The following KIF6 variants were observed in gnomAD, a reference collection of about 807,000 sequenced individuals.
The protein encoded by KIF6 is kinesin family member 6.
In KIF6, 106 loss-of-function variants were observed where a neutral mutation model predicts 112.7. The observed-to-expected ratio is 0.94, with a 90% CI of 0.80 to 1.11. KIF6 has a LOEUF of 1.11. KIF6 is among the 50% of genes least tolerant of loss of function. The pLI, the probability that KIF6 is intolerant of heterozygous loss-of-function variation, is 0.00. For synonymous variants in KIF6, 339 were observed against 339.9 expected (o/e 1.00, Z 0.03); for missense variants, 929 against 964.0 (o/e 0.96, Z 0.48).
Position 39,715,483 on chromosome 6 carries a change from C to A in KIF6, c.177-717G>T, listed in dbSNP as rs530987077. ...TGGATTGCAAGCACAGTGGAACACT[C>A]GGGGTAGAAGACACAGAATCTATTT... On this transcript the variant is annotated intron_variant, in intron 2 of 22. Coordinates refer to ENST00000287152, the MANE Select transcript of KIF6 (RefSeq NM_145027.6). Among the ~76,000 whole-genome samples the A allele has an allele frequency of 1.4e-5, 2 of 147,594 alleles. 1 individual carries two copies. The highest frequency in any genetic ancestry group is 4.3e-4 in the South Asian group (2 of 4,624).
intron 10 of KIF6, among the ~76,000 whole-genome samples, chr6:39,573,929 A>C (rs927961483): frequency 6.6e-6 from 1 of 152,230 alleles, no homozygotes; most frequent in Admixed American, 6.5e-5. Context: ...TGAATGTTAG[A>C]TAAATAATGA....
chr6:39,679,777 G>A (rs1463682867), intron 3 of KIF6, among the ~76,000 whole-genome samples: 3 of 151,406 alleles, frequency 2.0e-5, no homozygotes, highest in Non-Finnish European at 4.4e-5. Flanking sequence ...CACCATGCCC[G>A]GCTAATTTTT....
In KIF6 at chr6:39,501,758, A is replaced by C. The variant is rs116060613; in HGVS notation, c.1645+38245T>G. On this transcript the variant is annotated intron_variant, in intron 13 of 22. Coordinates refer to ENST00000287152, the MANE Select transcript of KIF6 (RefSeq NM_145027.6). ...GAGCTGGAAGACTAGCTTCTGGATT[A>C]AGACAGGCAGACAAGAATGGAGAAA... is the stretch of plus-strand genomic sequence containing the variant. Among the ~76,000 whole-genome samples, 749 of 152,360 alleles carry C rather than the reference A, an allele frequency of 4.9e-3. 4 individuals carry two copies. The highest frequency in any genetic ancestry group is 0.017 in the African/African-American group (703 of 41,574).
At chr6:39,548,137 C>A (rs1264729504) in intron 10 of KIF6, among the ~76,000 whole-genome samples, 3 of 152,170 alleles carry the variant, frequency 2.0e-5, no homozygotes. Context: ...ATTCTTTCTT[C>A]TTGCTTTTTC....
At chr6:39,457,553 A>T (rs1205890984) in intron 13 of KIF6, among the ~76,000 whole-genome samples, 1 of 151,864 alleles carries the variant, frequency 6.6e-6, no homozygotes, top group African/African-American at 2.4e-5. Context: ...AGACACAAAA[A>T]ACCCTTCAAA....
chr6:39,336,451 G>A lies in KIF6; in HGVS notation c.*81C>T. On this transcript the variant is annotated 3_prime_UTR_variant, in exon 23 of 23. Coordinates refer to ENST00000287152, the MANE Select transcript of KIF6 (RefSeq NM_145027.6). ...CAGCAGCCCATAGTTCACTTCTGAA[G>A]CCAGAGCAAGTGAGGGGCGCTGCCT... is the stretch of plus-strand genomic sequence containing the variant. 7.3e-7 allele frequency: 1 copy of A among 1,371,938 alleles called. No homozygotes were observed. The highest frequency in any genetic ancestry group is 1.0e-6 in the Non-Finnish European group (1 of 959,666). The allele number at this position is 1,371,938 out of a possible 1,614,324, so 85.0% of individuals were successfully genotyped here.
intron 16 of KIF6, among the ~76,000 whole-genome samples, chr6:39,374,111 G>T (rs1766243278): frequency 6.6e-6 from 1 of 152,154 alleles, no homozygotes; most frequent in Non-Finnish European, 1.5e-5. Context: ...AAGGTGCCAA[G>T]ATCATACATG....
At chr6:39,687,725 GC>G in intron 3 of KIF6, among the ~76,000 whole-genome samples, 2 of 152,252 alleles carry the variant, frequency 1.3e-5, no homozygotes, top group Middle Eastern at 6.8e-3. Context: ...AAATCACTAG[GC>G]TGCAGCCAGA....
chr6:39,415,851 G>T (rs1229880938), intron 15 of KIF6, among the ~76,000 whole-genome samples: 1 of 151,984 alleles, frequency 6.6e-6, no homozygotes, highest in Non-Finnish European at 1.5e-5. Flanking sequence ...TCAAATGGTG[G>T]GTTGGGGGGT....
chr6:39,720,204 T>C (rs111757943), intron 2 of KIF6, among the ~76,000 whole-genome samples: 56 of 152,266 alleles, frequency 3.7e-4, no homozygotes, highest in African/African-American at 1.3e-3. Context: ...TTACAGCACA[T>C]CTCAATTCAG....
intron 3 of KIF6, among the ~76,000 whole-genome samples, chr6:39,689,715 C>T (rs1420904299): frequency 1.3e-5 from 2 of 152,078 alleles, no homozygotes; most frequent in African/African-American, 2.4e-5. Context: ...AGGGATCCTC[C>T]CCACTCAGCC....
chr6:39,575,275 C>CTTTTT (rs142101964), intron 10 of KIF6, among the ~76,000 whole-genome samples: 2 of 143,548 alleles, frequency 1.4e-5, no homozygotes, highest in Non-Finnish European at 3.0e-5. Context: ...TCTTATTTTT[C>CTTTTT]TTTTTTTTTT....
chr6:39,450,385 C>CCTAA (rs1327161472), intron 13 of KIF6, among the ~76,000 whole-genome samples: 19 of 152,096 alleles, frequency 1.2e-4, no homozygotes, highest in African/African-American at 4.3e-4. Flanking sequence ...GAAGGCAAGT[C>CCTAA]CTAAAGATGT....
At chr6:39,381,193 G>C (rs1189511532) in intron 16 of KIF6, among the ~76,000 whole-genome samples, 1 of 152,098 alleles carries the variant, frequency 6.6e-6, no homozygotes, top group Non-Finnish European at 1.5e-5. Flanking sequence ...AAACATATAA[G>C]AAAAACTCTC....
At chr6:39,533,277 T>A (rs1344571363) in intron 13 of KIF6, among the ~76,000 whole-genome samples, 2 of 152,192 alleles carry the variant, frequency 1.3e-5, no homozygotes, top group Non-Finnish European at 2.9e-5. Context: ...GGGTGACAGA[T>A]GGCACCCGGA....
At chr6:39,463,688 A>C (rs1773618213) in intron 13 of KIF6, among the ~76,000 whole-genome samples, 1 of 152,234 alleles carries the variant, frequency 6.6e-6, no homozygotes, top group African/African-American at 2.4e-5. Flanking sequence ...CACTTTTTAA[A>C]TCTTATTTAA....
chr6:39,422,529 C>T (rs1770447492), intron 14 of KIF6, among the ~76,000 whole-genome samples: 1 of 152,208 alleles, frequency 6.6e-6, no homozygotes, highest in African/African-American at 2.4e-5. Flanking sequence ...TGTCACCACT[C>T]CAGGCCACCC....
At chr6:39,501,124 A>T (rs951522940) in intron 13 of KIF6, among the ~76,000 whole-genome samples, 2 of 152,150 alleles carry the variant, frequency 1.3e-5, no homozygotes, top group Admixed American at 1.3e-4. Flanking sequence ...AGCAACACAG[A>T]GCCAAGGGAA....
chr6:39,582,019 T>G (rs1357161465), intron 9 of KIF6, among the ~76,000 whole-genome samples: 1 of 152,226 alleles, frequency 6.6e-6, no homozygotes, highest in African/African-American at 2.4e-5. Flanking sequence ...ATCATGTGGG[T>G]TTTGTTTGCT....
Sources: allele counts gnomAD v4.1 joint callset (sites outside exome capture counted in the v4.1 genomes callset), GRCh38; gene constraint gnomAD v4.1.1; transcripts MANE v1.5; gene names NCBI Gene and HGNC (gene_info 2026-07-23, HGNC 2026-07-21).